The following PTPRN2 variants were observed in gnomAD, a reference collection of about 807,000 sequenced individuals.
PTPRN2 encodes the protein protein tyrosine phosphatase receptor type N2.
PTPRN2 carries 74 observed loss-of-function variants against 118.8 expected under a neutral mutation model. That is an observed-to-expected ratio of 0.62 (90% CI 0.52 to 0.76). PTPRN2 has a LOEUF of 0.76. Ranked by LOEUF, PTPRN2 falls within the 30% of genes least tolerant of loss-of-function variation. The pLI is 0.00. For missense variants in PTPRN2, 1,481 were observed against 1,394.4 expected (o/e 1.06, Z -0.99); for synonymous variants, 641 against 608.0 (o/e 1.05, Z -0.80).
intron 12 of PTPRN2, among the ~76,000 whole-genome samples, chr7:157,736,876 G>A (rs1490273991): frequency 6.6e-6 from 1 of 152,194 alleles, no homozygotes; most frequent in Non-Finnish European, 1.5e-5. Flanking sequence ...TATTGGTTTT[G>A]GAGCCAAGGG....
At chr7:157,797,101 C>T (rs897571523) in intron 12 of PTPRN2, among the ~76,000 whole-genome samples, 2 of 152,212 alleles carry the variant, frequency 1.3e-5, no homozygotes, top group Non-Finnish European at 2.9e-5. Context: ...GCACCGAAAT[C>T]CCAGCCCTCA....
chr7:158,045,838 A>G, intron 11 of PTPRN2, among the ~76,000 whole-genome samples: 1 of 149,368 alleles, frequency 6.7e-6, no homozygotes, highest in Non-Finnish European at 1.5e-5. Flanking sequence ...TCTGTCCAGG[A>G]GCAGAACCTG....
chr7:158,252,129 C>A (rs1372769499), intron 3 of PTPRN2, among the ~76,000 whole-genome samples: 1 of 152,166 alleles, frequency 6.6e-6, no homozygotes, highest in Middle Eastern at 3.2e-3. Flanking sequence ...GTTGCCATGG[C>A]AACTCTGCTC....
At chr7:158,200,365 G>A (rs551448839) in intron 4 of PTPRN2, among the ~76,000 whole-genome samples, 29 of 152,320 alleles carry the variant, frequency 1.9e-4, no homozygotes, top group African/African-American at 6.3e-4. Context: ...GATGGACGCC[G>A]AGGACGAGCT....
chr7:157,562,547 C>A (rs1799242548), intron 21 of PTPRN2, among the ~76,000 whole-genome samples: 1 of 152,242 alleles, frequency 6.6e-6, no homozygotes, highest in Non-Finnish European at 1.5e-5. Context: ...CTGTATGGAA[C>A]AAGGCGGCTC....
intron 11 of PTPRN2, among the ~76,000 whole-genome samples, chr7:157,915,185 A>C (rs1422595977): frequency 1.1e-4 from 17 of 152,134 alleles, no homozygotes; most frequent in Admixed American, 1.1e-3. Flanking sequence ...TATGTTTTAA[A>C]ATTTTTTATT....
intron 12 of PTPRN2, among the ~76,000 whole-genome samples, chr7:157,811,573 C>T (rs1201838568): frequency 1.3e-5 from 2 of 152,018 alleles, no homozygotes; most frequent in African/African-American, 2.4e-5. Flanking sequence ...TTAATGTCCT[C>T]AGCACCAGGC....
chr7:158,071,384 C>CGTGGTGGTGGAGGTGCTCGTG lies in PTPRN2; in HGVS notation c.1723+9913_1723+9914insCACGAGCACCTCCACCACCAC, dbSNP rs145893959. On this transcript the variant is annotated intron_variant, in intron 11 of 22. Coordinates refer to ENST00000389418, the MANE Select transcript of PTPRN2 (RefSeq NM_002847.5). Reference sequence around the variant, plus strand: ...AGGTGCTCATGGTGGTGGAGGTGCTCGTGGTGGAGGTGCTCGTGGTGGAGT... The same window carrying CGTGGTGGTGGAGGTGCTCGTG: ...AGGTGCTCATGGTGGTGGAGGTGCTCGTGGTGGTGGAGGTGCTCGTGGTGGTGGAGGTGCTCGTGGTGGAGT... Among the ~76,000 whole-genome samples the CGTGGTGGTGGAGGTGCTCGTG allele has an allele frequency of 1.2e-3, 33 of 27,996 alleles. 2 individuals are homozygous for CGTGGTGGTGGAGGTGCTCGTG. The highest frequency in any genetic ancestry group is 0.031 in the Middle Eastern group (1 of 32). The allele number at this position is 27,996 out of a possible 152,430, so 18.4% of individuals were successfully genotyped here. A position where few individuals can be genotyped will look rare whatever the true frequency, so the allele number is the denominator to read the frequency against.
chr7:158,276,800 G>A (rs542739884), intron 3 of PTPRN2, among the ~76,000 whole-genome samples: 1 of 152,190 alleles, frequency 6.6e-6, no homozygotes, highest in Non-Finnish European at 1.5e-5. Flanking sequence ...ACGCTCAGCT[G>A]GCAGGATATG....
intron 13 of PTPRN2, among the ~76,000 whole-genome samples, chr7:157,667,753 G>C (rs978647350): frequency 2.0e-5 from 3 of 152,222 alleles, no homozygotes; most frequent in African/African-American, 7.2e-5. Flanking sequence ...CCCTCCCCAC[G>C]GGGCAGCGTT....
At position 158,171,236 on chromosome 7, in the gene PTPRN2, T is replaced by C. The variant is rs1371677664; in HGVS notation, c.550-3945A>G. Among the ~76,000 whole-genome samples the C allele has an allele frequency of 5.6e-3, 760 of 135,754 alleles. 28 individuals carry two copies. The highest frequency in any genetic ancestry group is 0.021 in the African/African-American group (699 of 32,768). The allele number at this position is 135,754 out of a possible 152,430, so 89.1% of individuals were successfully genotyped here. A position where few individuals can be genotyped will look rare whatever the true frequency, so the allele number is the denominator to read the frequency against. On this transcript the variant is annotated intron_variant, in intron 5 of 22. Transcript: ENST00000389418. ...ATACACACATATATACACACATATA[T>C]ATACACATATATACACACATATATA...
chr7:157,783,406 T>C (rs1281550102), intron 12 of PTPRN2, among the ~76,000 whole-genome samples: 2 of 151,308 alleles, frequency 1.3e-5, no homozygotes, highest in Non-Finnish European at 2.9e-5. Context: ...CGTCCATCCA[T>C]ACCTAGGAAG....
At chr7:158,492,718 G>A (rs781410129) in intron 1 of PTPRN2, among the ~76,000 whole-genome samples, 8 of 152,224 alleles carry the variant, frequency 5.3e-5, no homozygotes, top group African/African-American at 7.2e-5. Context: ...CTAAAATTAC[G>A]AAAGAGCAAA....
intron 9 of PTPRN2, among the ~76,000 whole-genome samples, chr7:158,117,606 C>T (rs1816830138): frequency 6.6e-6 from 1 of 152,168 alleles, no homozygotes; most frequent in Non-Finnish European, 1.5e-5. Context: ...AACTCAGAGA[C>T]ACATTTTAAC....
chr7:157,787,765 G>C lies in PTPRN2; in HGVS notation c.1789-104828C>G, dbSNP rs113678772. On this transcript the variant is annotated intron_variant, in intron 12 of 22. Transcript: ENST00000389418. The surrounding 1 kb of genome is among the most constrained non-coding windows in gnomAD (Gnocchi z 5.3). ...GTGAGCCCAGCCCCATCTTTCCCTC[G>C]GACTTCATTTGTGCTCATGGCTGGG... 3.9e-5 allele frequency among the ~76,000 whole-genome samples: 6 copies of C among 151,998 alleles called. No homozygotes were observed. The highest frequency in any genetic ancestry group is 1.5e-4 in the African/African-American group (6 of 41,348).
intron 1 of PTPRN2, among the ~76,000 whole-genome samples, chr7:158,498,486 G>A (rs1006473888): frequency 5.9e-5 from 9 of 151,578 alleles, no homozygotes; most frequent in East Asian, 3.9e-4. Context: ...TCCTTCATTC[G>A]TTTGAAGACA....
rs185699851 is a variant in PTPRN2 at position 157,592,552 on chromosome 7, A to G, written c.2496+2686T>C. On this transcript the variant is annotated intron_variant, in intron 17 of 22. Coordinates refer to ENST00000389418, the MANE Select transcript of PTPRN2 (RefSeq NM_002847.5). ...GAGTGTGGACGCCGAGAGGCTTCACACAGGACGGAGGGTGGATGTGGCACC... is the reference window on the plus strand; with the variant it reads ...GAGTGTGGACGCCGAGAGGCTTCACGCAGGACGGAGGGTGGATGTGGCACC... 2.7e-3 allele frequency among the ~76,000 whole-genome samples: 393 copies of G among 145,134 alleles called. 3 individuals carry two copies. Among genetic ancestry groups the G allele is most frequent in the African/African-American group, 9.4e-3 (368 of 39,078 alleles).
At chr7:157,971,435 T>C (rs1351201625) in intron 11 of PTPRN2, among the ~76,000 whole-genome samples, 1 of 152,142 alleles carries the variant, frequency 6.6e-6, no homozygotes, top group Non-Finnish European at 1.5e-5. Context: ...TTCTTAAAGC[T>C]CTTGCTGTAA....
chr7:158,197,641 G>C (rs1291780982), intron 4 of PTPRN2, among the ~76,000 whole-genome samples: 1 of 152,194 alleles, frequency 6.6e-6, no homozygotes, highest in Non-Finnish European at 1.5e-5. Context: ...AATTGACTCA[G>C]TTCAGCATGG....
Sources: allele counts gnomAD v4.1 joint callset (sites outside exome capture counted in the v4.1 genomes callset), GRCh38; gene constraint gnomAD v4.1.1; non-coding constraint Gnocchi (gnomAD v3.1); transcripts MANE v1.5; gene names NCBI Gene and HGNC (gene_info 2026-07-23, HGNC 2026-07-21).